SPNS2: variants seen among roughly 807,000 people sequenced by gnomAD.
SPNS2 encodes the protein sphingosine-1-phosphate transporter SPNS2.
SPNS2 carries 37 observed loss-of-function variants against 57.6 expected under a neutral mutation model. The observed-to-expected ratio is 0.64, with a 90% confidence interval of 0.49 to 0.85. SPNS2 has a LOEUF of 0.85. Ranked by LOEUF, SPNS2 falls within the 40% of genes least tolerant of loss-of-function variation. SPNS2 has a pLI of 0.00. For synonymous variants in SPNS2, 440 were observed against 346.9 expected (o/e 1.27, Z -2.98); for missense variants, 831 against 779.1 (o/e 1.07, Z -0.79).
At position 4,507,212 on chromosome 17, in the gene SPNS2, G is replaced by A. The variant is rs117297667; in HGVS notation, c.371-6035G>A. The stretch of plus-strand genomic sequence containing the variant: ...CGGGAGCAGGGGTAAGACTCCCAGC[G>A]TGAGCCAGCACTGAGGCCTCCACAT... On this transcript the variant is annotated intron_variant, in intron 1 of 12. Coordinates refer to ENST00000329078, the MANE Select transcript of SPNS2 (RefSeq NM_001124758.3). Among the ~76,000 whole-genome samples the A allele has an allele frequency of 9.3e-4, 141 of 152,356 alleles. No homozygotes were observed. The East Asian group carries it at 9.6e-3, about 10-fold the overall frequency.
intron 11 of SPNS2, 87 bp downstream of exon 11, chr17:4,536,513 G>T (rs376747120): frequency 1.0e-5 from 15 of 1,475,962 alleles, no homozygotes; most frequent in East Asian, 6.9e-5. Flanking sequence ...GGGGTGGGGC[G>T]GGGAGGGTAC....
intron 1 of SPNS2, among the ~76,000 whole-genome samples, chr17:4,501,291 T>A (rs1904501470): frequency 6.6e-6 from 1 of 151,960 alleles, no homozygotes; most frequent in Admixed American, 6.6e-5. Context: ...TTTGACGTTC[T>A]TAGGGGAACT....
chr17:4,530,475 G>A (rs1245910165), intron 3 of SPNS2, among the ~76,000 whole-genome samples, 157 bp from the exon 4 acceptor site: 1 of 152,132 alleles, frequency 6.6e-6, no homozygotes, highest in African/African-American at 2.4e-5. Flanking sequence ...GAGTGGCTGG[G>A]GGAGGTGGTC....
intron 2 of SPNS2, among the ~76,000 whole-genome samples, chr17:4,514,780 G>A (rs995970820): frequency 2.0e-5 from 3 of 152,250 alleles, no homozygotes; most frequent in Non-Finnish European, 4.4e-5. Flanking sequence ...TGTGCATGCA[G>A]TGACCAGCAC....
intron 2 of SPNS2, among the ~76,000 whole-genome samples, chr17:4,516,447 G>A (rs117056846): frequency 0.023 from 3,429 of 152,170 alleles, 54 homozygotes; most frequent in Non-Finnish European, 0.037. Flanking sequence ...GGCAGGCCGT[G>A]TGCTGGGCTC....
At chr17:4,525,796 C>A (rs962519422) in intron 3 of SPNS2, among the ~76,000 whole-genome samples, 3 of 152,220 alleles carry the variant, frequency 2.0e-5, no homozygotes, top group African/African-American at 7.2e-5. Flanking sequence ...TACTTCCCAA[C>A]TCGAAGGTTT....
At chr17:4,500,124 C>T (rs1202183578) in intron 1 of SPNS2, among the ~76,000 whole-genome samples, 1 of 152,194 alleles carries the variant, frequency 6.6e-6, no homozygotes, top group African/African-American at 2.4e-5. Context: ...GGGTAGGGCG[C>T]AGGCCTCTGG....
Position 4,499,755 on chromosome 17 carries a change from C to T in SPNS2, c.370+338C>T. On this transcript the variant is annotated intron_variant, in intron 1 of 12. Coordinates refer to ENST00000329078, the MANE Select transcript of SPNS2 (RefSeq NM_001124758.3). This position sits in a 1 kb window ranked among gnomAD's most constrained non-coding sequence, Gnocchi z 5.2. Reference sequence around the variant, plus strand: ...GCGTCTCTCTGTCTCCTTGTCTCTGCGCCCCCTCCGACCCCAGCTGCCGGT... The same window carrying T: ...GCGTCTCTCTGTCTCCTTGTCTCTGTGCCCCCTCCGACCCCAGCTGCCGGT... 1 of 205,138 alleles carries T rather than the reference C, an allele frequency of 4.9e-6. No homozygotes were observed. Among genetic ancestry groups the T allele is most frequent in the Non-Finnish European group, 9.8e-6 (1 of 102,328 alleles). 12.7% of individuals were successfully genotyped at this position (205,138 alleles called of 1,614,324 possible). A position where few individuals can be genotyped will look rare whatever the true frequency, so the allele number is the denominator to read the frequency against.
At chr17:4,505,907 T>C (rs900901419) in intron 1 of SPNS2, among the ~76,000 whole-genome samples, 32 of 152,332 alleles carry the variant, frequency 2.1e-4, no homozygotes, top group Middle Eastern at 3.4e-3. Flanking sequence ...TCGTGATTCC[T>C]TCCCTGTCAG....
chr17:4,500,630 A>T (rs576164193), intron 1 of SPNS2, among the ~76,000 whole-genome samples: 4 of 152,130 alleles, frequency 2.6e-5, no homozygotes, highest in Non-Finnish European at 5.9e-5. Flanking sequence ...GGAAGGATTT[A>T]TTTTTGGACA....
intron 9 of SPNS2, among the ~76,000 whole-genome samples, chr17:4,535,745 G>A (rs574639684): frequency 3.0e-4 from 46 of 152,236 alleles, no homozygotes; most frequent in Admixed American, 6.5e-4. Context: ...GCAGGTTTGA[G>A]GCCAATGACG....
At position 4,538,793 on chromosome 17, in the gene SPNS2, CAA is replaced by C. The variant is rs1906032695; in HGVS notation, c.*1346_*1347del. ...GCTCTGGGGTACCCCGAGGGCCTGA[CAA>C]GAGGATGGGGTGGGGGTGGCATCCT... On this transcript the variant is annotated 3_prime_UTR_variant, in exon 13 of 13. Transcript: ENST00000329078. 4 of 754,262 alleles carry C rather than the reference CAA, an allele frequency of 5.3e-6. No homozygotes were observed. The Admixed American group carries it at 7.6e-5, about 14-fold the overall frequency. The allele number at this position is 754,262 out of a possible 1,614,324, so 46.7% of individuals were successfully genotyped here.
Position 4,530,579 on chromosome 17 carries a change from A to T in SPNS2, c.574-53A>T, listed in dbSNP as rs993772088. ...GGGAGCAAAGTGGGAACAAGGGATG[A>T]CAGGCAGACGGTGGGTAGTCGGTCC... On this transcript the variant is annotated intron_variant, in intron 3 of 12. Transcript: ENST00000329078. The T allele has an allele frequency of 1.9e-6, 3 of 1,574,096 alleles. No individual in the cohort carries two copies. In the African/African-American group the frequency reaches 4.1e-5, roughly 21 times the overall value.
At chr17:4,526,595 C>G (rs1905268038) in intron 3 of SPNS2, among the ~76,000 whole-genome samples, 2 of 145,782 alleles carry the variant, frequency 1.4e-5, no homozygotes, top group African/African-American at 5.1e-5. Flanking sequence ...AAGAGCAAAA[C>G]TCCATCTCAA....
In SPNS2 at chr17:4,537,591, T is replaced by C. The variant is rs1567599087; in HGVS notation, c.*143T>C. ...CCCACCCTCTCTGGCCCAGGCCTGC[T>C]GAGTGGCCCTGGCATCAAGAAGAGG... On this transcript the variant is annotated 3_prime_UTR_variant, in exon 13 of 13. Transcript: ENST00000329078. 2.2e-6 allele frequency: 1 copy of C among 456,680 alleles called. No individual in the cohort carries two copies. 28.3% of individuals were successfully genotyped at this position (456,680 alleles called of 1,614,324 possible).
At chr17:4,518,670 T>G (rs554661932) in intron 2 of SPNS2, among the ~76,000 whole-genome samples, 13 of 152,240 alleles carry the variant, frequency 8.5e-5, no homozygotes, top group African/African-American at 2.9e-4. Context: ...AGGATGGGGA[T>G]GGGGGAACGG....
chr17:4,520,889 G>T (rs1905122636), intron 2 of SPNS2, among the ~76,000 whole-genome samples: 1 of 152,184 alleles, frequency 6.6e-6, no homozygotes, highest in African/African-American at 2.4e-5. Context: ...AAGGCTGCAT[G>T]CTGGGCCTTG....
At chr17:4,536,477 G>A (rs765152792) in intron 11 of SPNS2, 51 bp downstream of exon 11, 207 of 1,563,134 alleles carry the variant, frequency 1.3e-4, no homozygotes, top group Non-Finnish European at 1.7e-4. Context: ...AGCAGGGACC[G>A]TGATAGCCAC....
Position 4,498,889 on chromosome 17 carries a change from C to G in SPNS2, c.-159C>G. 3 of 249,010 alleles carry G rather than the reference C, an allele frequency of 1.2e-5. No individual in the cohort carries two copies. The highest frequency in any genetic ancestry group is 1.9e-5 in the Non-Finnish European group (3 of 157,150). 15.4% of individuals were successfully genotyped at this position (249,010 alleles called of 1,614,324 possible). On this transcript the variant is annotated 5_prime_UTR_variant, in exon 1 of 13. Transcript: ENST00000329078. Reference sequence around the variant, plus strand: ...GCGGCGGCGAACGAGGCGCAGCGAGCTGAGCGGTGGCAGCGCCGCAGCCGG... The same window carrying G: ...GCGGCGGCGAACGAGGCGCAGCGAGGTGAGCGGTGGCAGCGCCGCAGCCGG...
Sources: allele counts gnomAD v4.1 joint callset (sites outside exome capture counted in the v4.1 genomes callset), GRCh38; gene constraint gnomAD v4.1.1; non-coding constraint Gnocchi (gnomAD v3.1); transcripts MANE v1.5; gene names NCBI Gene and HGNC (gene_info 2026-07-23, HGNC 2026-07-21).